PRKG1: variants seen among roughly 807,000 people sequenced by gnomAD.
The protein encoded by PRKG1 is cGMP-dependent protein kinase 1.
Under a neutral mutation model 88.1 loss-of-function variants are expected in PRKG1, and 35 were observed. The observed-to-expected ratio is 0.40, with a 90% CI of 0.30 to 0.53. The LOEUF is 0.53. PRKG1 is among the 20% of genes least tolerant of loss of function. The pLI, the probability that PRKG1 is intolerant of heterozygous loss-of-function variation, is 0.59. For synonymous variants in PRKG1, 303 were observed against 292.5 expected (o/e 1.04, Z -0.37); for missense variants, 540 against 839.8 (o/e 0.64, Z 4.41).
rs568967204 is a variant in PRKG1, at chr10:52,116,734, A to T, written c.936-17106A>T. ...GAAATAATAACACTGCCTAATGTTC[A>T]TTGAGGGCTTCAGTATGTCAGACAG... On this transcript the variant is annotated intron_variant, in intron 7 of 17. Transcript: ENST00000373980. Among the ~76,000 whole-genome samples the T allele has an allele frequency of 5.9e-5, 9 of 152,278 alleles. No individual in the cohort carries two copies. The South Asian group carries it at 1.7e-3, about 28-fold the overall frequency.
chr10:51,646,838 A>T (rs1019225848), intron 3 of PRKG1, among the ~76,000 whole-genome samples: 1 of 152,074 alleles, frequency 6.6e-6, no homozygotes, highest in Non-Finnish European at 1.5e-5. Flanking sequence ...ATAGGTGCCT[A>T]GATGAAATTA....
chr10:51,637,710 CT>C (rs1358407139), intron 3 of PRKG1, among the ~76,000 whole-genome samples: 1 of 152,042 alleles, frequency 6.6e-6, no homozygotes, highest in Non-Finnish European at 1.5e-5. Flanking sequence ...CAAGTGGGAG[CT>C]GAATGATGAG....
intron 3 of PRKG1, among the ~76,000 whole-genome samples, chr10:51,600,945 G>A (rs1838580464): frequency 6.8e-6 from 1 of 147,852 alleles, no homozygotes; most frequent in Non-Finnish European, 1.5e-5. Flanking sequence ...AGGAAGAGAA[G>A]ATGAAGATGA....
chr10:52,280,988 A>T, intron 13 of PRKG1, 58 bp downstream of exon 13: 1 of 1,544,188 alleles, frequency 6.5e-7, no homozygotes, highest in Non-Finnish European at 8.8e-7. Context: ...TGTTTATAAA[A>T]CTGTGTTCAT....
chr10:51,840,823 G>A (rs192230809), intron 4 of PRKG1, among the ~76,000 whole-genome samples: 183 of 152,154 alleles, frequency 1.2e-3, no homozygotes, highest in African/African-American at 3.5e-3. Flanking sequence ...TGGGATTACA[G>A]GTATGACCCA....
At chr10:51,639,818 A>G (rs111989256) in intron 3 of PRKG1, among the ~76,000 whole-genome samples, 5,847 of 152,102 alleles carry the variant, frequency 0.038, 162 homozygotes, top group South Asian at 0.1. Context: ...TTTTGCGCCA[A>G]CCTAATAAAA....
At chr10:51,748,349 A>G (rs1837633441) in intron 3 of PRKG1, among the ~76,000 whole-genome samples, 1 of 152,196 alleles carries the variant, frequency 6.6e-6, no homozygotes, top group African/African-American at 2.4e-5. Flanking sequence ...TGCCTATGGG[A>G]AGAAAATATA....
intron 4 of PRKG1, among the ~76,000 whole-genome samples, chr10:51,852,345 CACAT>C (rs1334174361): frequency 6.6e-6 from 1 of 150,868 alleles, no homozygotes; most frequent in Non-Finnish European, 1.5e-5. Context: ...TACACACACA[CACAT>C]ACATAGATAT....
chr10:51,314,293 G>A (rs992931141), intron 2 of PRKG1, among the ~76,000 whole-genome samples: 1 of 152,056 alleles, frequency 6.6e-6, no homozygotes, highest in Non-Finnish European at 1.5e-5. Context: ...GAGTCCCTCT[G>A]TAATATGATC....
intron 1 of PRKG1, among the ~76,000 whole-genome samples, chr10:51,152,895 CT>C (rs1846108860): frequency 6.7e-6 from 1 of 148,952 alleles, no homozygotes; most frequent in Admixed American, 6.7e-5. Context: ...GCAAAATGGA[CT>C]TGTATGATTT....
At chr10:51,150,464 G>C (rs1260576711) in intron 1 of PRKG1, among the ~76,000 whole-genome samples, 1 of 152,108 alleles carries the variant, frequency 6.6e-6, no homozygotes, top group South Asian at 2.1e-4. Flanking sequence ...ACATGAAAAG[G>C]CAGGGCTTTG....
intron 2 of PRKG1, among the ~76,000 whole-genome samples, chr10:51,407,940 A>G (rs1837967467): frequency 6.6e-6 from 1 of 152,134 alleles, no homozygotes; most frequent in African/African-American, 2.4e-5. Context: ...CCTGGCGGCA[A>G]TCTTAACTTT....
intron 3 of PRKG1, among the ~76,000 whole-genome samples, chr10:51,571,462 T>C (rs1455478817): frequency 6.6e-6 from 1 of 151,816 alleles, no homozygotes; most frequent in Non-Finnish European, 1.5e-5. Context: ...AATTGCTAAA[T>C]GTTATATAAA....
chr10:52,150,183 A>ATTATTATTATTATT (rs1554810291), intron 8 of PRKG1, among the ~76,000 whole-genome samples: 4,553 of 147,922 alleles, frequency 0.031, 104 homozygotes, highest in Middle Eastern at 0.054. Context: ...TAATAATAAT[A>ATTATTATTATTATT]ATTTGATTGG....
intron 3 of PRKG1, among the ~76,000 whole-genome samples, chr10:51,599,729 C>T (rs147187779): frequency 8.5e-5 from 13 of 152,202 alleles, no homozygotes; most frequent in South Asian, 2.1e-4. Context: ...TATAACCTTC[C>T]GGCTATTTTA....
At chr10:51,181,859 C>T (rs1330537672) in intron 2 of PRKG1, among the ~76,000 whole-genome samples, 1 of 152,164 alleles carries the variant, frequency 6.6e-6, no homozygotes, top group East Asian at 1.9e-4. Context: ...GACATTGCCT[C>T]TTGGAGGTAT....
At chr10:51,388,048 A>G (rs902666835) in intron 2 of PRKG1, among the ~76,000 whole-genome samples, 3 of 152,124 alleles carry the variant, frequency 2.0e-5, no homozygotes, top group Non-Finnish European at 4.4e-5. Flanking sequence ...TTAACATTTA[A>G]TGTTCTAATT....
chr10:51,808,536 G>A (rs1380182385), intron 4 of PRKG1, among the ~76,000 whole-genome samples: 1 of 152,148 alleles, frequency 6.6e-6, no homozygotes, highest in Non-Finnish European at 1.5e-5. Context: ...CTGGTAGGTT[G>A]AGGCTGCAGT....
intron 3 of PRKG1, among the ~76,000 whole-genome samples, chr10:51,634,951 T>C (rs1839618318): frequency 6.6e-6 from 1 of 151,982 alleles, no homozygotes; most frequent in Non-Finnish European, 1.5e-5. Flanking sequence ...GGGAGGTGGG[T>C]GGGAGGAAGC....
Sources: gnomAD v4.1 joint callset for allele counts (sites outside exome capture counted in the v4.1 genomes callset) on GRCh38, gnomAD v4.1.1 for gene constraint, MANE v1.5 for transcripts, NCBI Gene and HGNC (gene_info 2026-07-23, HGNC 2026-07-21) for gene names.